The following ARSJ variants were observed in gnomAD, a reference collection of about 807,000 sequenced individuals.
The protein encoded by ARSJ is arylsulfatase J.
A neutral mutation model predicts 35.9 loss-of-function variants in ARSJ; 26 were observed. The ratio of observed to expected loss-of-function variants is 0.72; its 90% CI spans 0.53 to 1.00. The LOEUF is 1.00. ARSJ is among the 50% of genes least tolerant of loss of function. The pLI, the probability that ARSJ is intolerant of heterozygous loss-of-function variation, is 0.00. For synonymous variants in ARSJ, 294 were observed against 267.6 expected (o/e 1.10, Z -0.96); for missense variants, 667 against 723.6 (o/e 0.92, Z 0.90).
chr4:113,910,362 T>C (rs1253328678), intron 1 of ARSJ, among the ~76,000 whole-genome samples: 1 of 152,178 alleles, frequency 6.6e-6, no homozygotes, highest in Admixed American at 6.6e-5. Context: ...AATGTACTCT[T>C]GTAAGTGGGA....
chr4:113,972,281 A>C (rs1345751434), intron 1 of ARSJ, among the ~76,000 whole-genome samples: 2 of 136,114 alleles, frequency 1.5e-5, no homozygotes, highest in African/African-American at 5.5e-5. Context: ...TTACTTTCTA[A>C]GAGATGATCT....
intron 1 of ARSJ, among the ~76,000 whole-genome samples, chr4:113,911,857 G>C (rs1722930702): frequency 6.6e-6 from 1 of 152,150 alleles, no homozygotes; most frequent in South Asian, 2.1e-4. Flanking sequence ...GAGATGATGA[G>C]TGTGTTAATT....
intron 1 of ARSJ, among the ~76,000 whole-genome samples, chr4:113,913,400 A>T (rs1723069552): frequency 1.4e-5 from 1 of 71,406 alleles, no homozygotes; most frequent in East Asian, 6.0e-4. Context: ...TTCCTACTAG[A>T]TAGTCTTCCC....
At chr4:113,945,780 G>C (rs2149272032) in intron 1 of ARSJ, among the ~76,000 whole-genome samples, 1 of 152,176 alleles carries the variant, frequency 6.6e-6, no homozygotes, top group East Asian at 1.9e-4. Context: ...GAAGTACACT[G>C]TATACTTGTA....
intron 1 of ARSJ, among the ~76,000 whole-genome samples, chr4:113,953,636 C>A (rs1435518266): frequency 6.6e-6 from 1 of 151,884 alleles, no homozygotes; most frequent in African/African-American, 2.4e-5. Context: ...AAACATGGCA[C>A]CAGATCTATC....
chr4:113,966,909 C>T (rs928973953), intron 1 of ARSJ, among the ~76,000 whole-genome samples: 2 of 152,146 alleles, frequency 1.3e-5, no homozygotes, highest in African/African-American at 4.8e-5. Context: ...TCATCTATGG[C>T]TGGTCCTTAC....
chr4:113,952,102 A>C (rs533410834), intron 1 of ARSJ, among the ~76,000 whole-genome samples: 4 of 152,150 alleles, frequency 2.6e-5, no homozygotes, highest in African/African-American at 7.2e-5. Context: ...TATATTGCCC[A>C]AGCTGGAGTG....
chr4:113,903,340 C>G lies in ARSJ; in HGVS notation c.734G>C (p.Arg245Thr). ...GIYSTQMYTQ[R>T]VQQILASHNP... Reference sequence around the variant, plus strand: ...ATGGGAAGCTAAGATTTGCTGTACTCTCTGAGTGTACATCTGTGTGGAGTA... The same window carrying G: ...ATGGGAAGCTAAGATTTGCTGTACTGTCTGAGTGTACATCTGTGTGGAGTA... Residue 245 changes from arginine to threonine, a missense_variant, in exon 2 of 2, where the codon AGA becomes ACA. By Grantham distance (71) the Arg-to-Thr change is moderately conservative. Transcript: ENST00000315366. The G allele has an allele frequency of 6.2e-7, 1 of 1,614,148 alleles. No individual in the cohort carries two copies. The highest frequency in any genetic ancestry group is 8.5e-7 in the Non-Finnish European group (1 of 1,180,032).
At chr4:113,961,511 C>T (rs1332379808) in intron 1 of ARSJ, among the ~76,000 whole-genome samples, 1 of 152,026 alleles carries the variant, frequency 6.6e-6, no homozygotes, top group African/African-American at 2.4e-5. Flanking sequence ...AATGTCTGCA[C>T]AGCTGTTAAC....
intron 1 of ARSJ, among the ~76,000 whole-genome samples, chr4:113,937,039 A>G (rs1724807851): frequency 6.6e-6 from 1 of 151,902 alleles, no homozygotes; most frequent in African/African-American, 2.4e-5. Context: ...CAACATAGAA[A>G]AGTATAGGCC....
At position 113,924,113 on chromosome 4, in the gene ARSJ, A is replaced by ATG. The variant is rs1562345886; in HGVS notation, c.399-20439_399-20438insCA. Among the ~76,000 whole-genome samples the ATG allele has an allele frequency of 1.5e-4, 19 of 130,510 alleles. 1 individual carries two copies. Among genetic ancestry groups the ATG allele is most frequent in the African/African-American group, 5.6e-4 (19 of 34,100 alleles). 85.6% of individuals were successfully genotyped at this position (130,510 alleles called of 152,430 possible). On this transcript the variant is annotated intron_variant, in intron 1 of 1. Transcript: ENST00000315366. ...TATATATATATATATATATATATAT[A>ATG]TATATATAAAGGGGAGTTTATTAAG...
chr4:113,937,113 C>A (rs1258830280), intron 1 of ARSJ, among the ~76,000 whole-genome samples: 1 of 151,880 alleles, frequency 6.6e-6, no homozygotes, highest in Admixed American at 6.6e-5. Flanking sequence ...TGAATATATT[C>A]TGGTTGTAAT....
chr4:113,970,324 A>G (rs1727161869), intron 1 of ARSJ, among the ~76,000 whole-genome samples: 1 of 152,250 alleles, frequency 6.6e-6, no homozygotes, highest in Non-Finnish European at 1.5e-5. Flanking sequence ...ATTAAGTCAC[A>G]TAAGTTTAGG....
chr4:113,923,574 T>C (rs1292552170), intron 1 of ARSJ, among the ~76,000 whole-genome samples: 1 of 152,168 alleles, frequency 6.6e-6, no homozygotes. Context: ...GATTTTGTTC[T>C]TTAGTTTCTT....
At chr4:113,948,513 T>C (rs1725645685) in intron 1 of ARSJ, among the ~76,000 whole-genome samples, 1 of 152,158 alleles carries the variant, frequency 6.6e-6, no homozygotes, top group Non-Finnish European at 1.5e-5. Flanking sequence ...TTATTTATTT[T>C]AAAACTAAAC....
chr4:113,903,085 C>A lies in ARSJ; in HGVS notation c.989G>T (p.Gly330Val), dbSNP rs1369328325. Residue 330 changes from glycine (G) to valine (V), a missense_variant, in exon 2 of 2, where the codon GGC becomes GTC. Transcript: ENST00000315366. ...SIIIYSSDNGGQPTAGGSNWP... is the reference protein window; with the variant it reads ...SIIIYSSDNGVQPTAGGSNWP... ...GTTACTCCCTCCTGCCGTAGGCTGG[C>A]CACCATTATCTGAAGAGTAAATGAT... 6.2e-7 allele frequency: 1 copy of A among 1,614,086 alleles called. No homozygotes were observed. Among genetic ancestry groups the A allele is most frequent in the Non-Finnish European group, 8.5e-7 (1 of 1,180,030 alleles).
chr4:113,929,581 C>T (rs1394559865), intron 1 of ARSJ, among the ~76,000 whole-genome samples: 2 of 152,120 alleles, frequency 1.3e-5, no homozygotes, highest in African/African-American at 4.8e-5. Flanking sequence ...CTGTTCTTTT[C>T]CAATCAATGC....
intron 1 of ARSJ, among the ~76,000 whole-genome samples, chr4:113,962,290 C>T (rs1418388916): frequency 6.6e-6 from 1 of 151,842 alleles, no homozygotes; most frequent in Non-Finnish European, 1.5e-5. Flanking sequence ...CAGATGCAGA[C>T]CTTCTGACAC....
intron 1 of ARSJ, among the ~76,000 whole-genome samples, chr4:113,906,021 A>T (rs1240302702): frequency 6.6e-6 from 1 of 152,206 alleles, no homozygotes; most frequent in Non-Finnish European, 1.5e-5. Context: ...ATTTTTTAAC[A>T]AGTGAATGTT....
Sources: gnomAD v4.1 joint callset for allele counts (sites outside exome capture counted in the v4.1 genomes callset) on GRCh38, gnomAD v4.1.1 for gene constraint, MANE v1.5 for transcripts, NCBI Gene and HGNC (gene_info 2026-07-23, HGNC 2026-07-21) for gene names.